CDH13: variants seen among roughly 807,000 people sequenced by gnomAD.
CDH13 encodes the protein cadherin-13.
CDH13 carries 24 observed loss-of-function variants against 63.8 expected under a neutral mutation model. That is an observed-to-expected ratio of 0.38 (90% CI 0.27 to 0.53). CDH13 has a LOEUF of 0.53. Ranked by LOEUF, CDH13 falls within the 20% of genes least tolerant of loss-of-function variation. CDH13 has a pLI of 0.85. For synonymous variants in CDH13, 503 were observed against 355.3 expected (o/e 1.42, Z -4.67); for missense variants, 1,049 against 903.1 (o/e 1.16, Z -2.07).
At chr16:83,725,677 A>G (rs149628775) in intron 10 of CDH13, 5 of 152,396 alleles carry the variant, frequency 3.3e-5, no homozygotes, top group African/African-American at 1.2e-4. Flanking sequence ...CAAGCAGGCA[A>G]GTTTGGGAAC....
chr16:83,044,590 G>A (rs1397693788), intron 3 of CDH13, among the ~76,000 whole-genome samples: 1 of 152,224 alleles, frequency 6.6e-6, no homozygotes, highest in Non-Finnish European at 1.5e-5. Context: ...CCATAGGCTA[G>A]AGAAAACGTC....
intron 8 of CDH13, among the ~76,000 whole-genome samples, chr16:83,647,510 A>G (rs916003012): frequency 1.3e-5 from 2 of 152,086 alleles, no homozygotes; most frequent in Admixed American, 6.6e-5. Context: ...CCTACAACAT[A>G]AATGTGTGTA....
intron 1 of CDH13, among the ~76,000 whole-genome samples, chr16:82,750,696 G>C (rs2034377387): frequency 1.3e-5 from 2 of 152,168 alleles, no homozygotes; most frequent in African/African-American, 2.4e-5. Context: ...AGCTGATAGA[G>C]GTTGGACAGA....
chr16:83,688,492 T>C (rs1328618517), intron 10 of CDH13, among the ~76,000 whole-genome samples: 2 of 152,172 alleles, frequency 1.3e-5, no homozygotes, highest in Admixed American at 1.3e-4. Flanking sequence ...AATTGTAACA[T>C]TTCTACCTGG....
intron 5 of CDH13, among the ~76,000 whole-genome samples, chr16:83,335,781 C>A (rs1297181865): frequency 1.3e-5 from 2 of 152,092 alleles, no homozygotes; most frequent in Non-Finnish European, 2.9e-5. Flanking sequence ...AGACCCCAGT[C>A]ACGTACCCCC....
intron 7 of CDH13, among the ~76,000 whole-genome samples, chr16:83,543,415 T>G (rs1481113078): frequency 1.3e-5 from 2 of 152,214 alleles, no homozygotes; most frequent in African/African-American, 4.8e-5. Flanking sequence ...TACAAAATGT[T>G]GTGGATTCAG....
chr16:83,347,121 A>T (rs1394407533), intron 6 of CDH13, among the ~76,000 whole-genome samples: 1 of 152,226 alleles, frequency 6.6e-6, no homozygotes, highest in Non-Finnish European at 1.5e-5. Flanking sequence ...GTTGCAGGCA[A>T]GATGGCCCCC....
chr16:83,054,166 T>G (rs7202573), intron 3 of CDH13, among the ~76,000 whole-genome samples: 2 of 152,090 alleles, frequency 1.3e-5, no homozygotes, highest in Admixed American at 1.3e-4. Flanking sequence ...GCACTGTGTA[T>G]TGTTTGCACA....
intron 2 of CDH13, among the ~76,000 whole-genome samples, chr16:82,945,492 G>C (rs903093471): frequency 6.6e-6 from 1 of 152,148 alleles, no homozygotes; most frequent in African/African-American, 2.4e-5. Flanking sequence ...TGCACCATCG[G>C]TAGTTTCTAC....
intron 8 of CDH13, among the ~76,000 whole-genome samples, chr16:83,634,762 C>A (rs117528640): frequency 6.6e-6 from 1 of 152,098 alleles, no homozygotes; most frequent in Non-Finnish European, 1.5e-5. Flanking sequence ...TCACATCAGC[C>A]GATAGCTGGT....
chr16:83,376,663 T>A (rs538084365), intron 6 of CDH13, among the ~76,000 whole-genome samples: 90 of 152,186 alleles, frequency 5.9e-4, no homozygotes, highest in African/African-American at 2.1e-3. Flanking sequence ...ATGGTGAGCA[T>A]GAGACATGCA....
chr16:83,665,366 C>T (rs1039482990), intron 8 of CDH13, among the ~76,000 whole-genome samples: 3 of 152,138 alleles, frequency 2.0e-5, no homozygotes, highest in Non-Finnish European at 4.4e-5. Context: ...AATACTGACT[C>T]CTTGTTATAC....
At chr16:83,045,751 C>A (rs957496253) in intron 3 of CDH13, among the ~76,000 whole-genome samples, 3 of 151,266 alleles carry the variant, frequency 2.0e-5, no homozygotes, top group African/African-American at 7.3e-5. Flanking sequence ...CTATTTGATT[C>A]TCTGTTCTCA....
intron 1 of CDH13, among the ~76,000 whole-genome samples, chr16:82,808,590 T>G: frequency 6.6e-6 from 1 of 152,176 alleles, no homozygotes; most frequent in Non-Finnish European, 1.5e-5. Context: ...TTTCTGCCCT[T>G]GCAGTATAAA....
rs117886430 is a variant in CDH13 at position 83,768,387 on chromosome 16, G to A, written c.1682-11581G>A. Among the ~76,000 whole-genome samples, 25 of 152,158 alleles carry A rather than the reference G, an allele frequency of 1.6e-4. No homozygotes were observed. The East Asian group carries it at 1.7e-3, about 11-fold the overall frequency. ...AAAAACACACACACAAATTGTAATC[G>A]CAATAGGTTTGTTAACCAATGCACA... On this transcript the variant is annotated intron_variant, in intron 11 of 13. Coordinates refer to ENST00000567109, the MANE Select transcript of CDH13 (RefSeq NM_001257.5).
At chr16:82,989,021 A>T (rs1911322715) in intron 2 of CDH13, among the ~76,000 whole-genome samples, 2 of 152,218 alleles carry the variant, frequency 1.3e-5, no homozygotes, top group African/African-American at 4.8e-5. Flanking sequence ...TAACTTATTA[A>T]AGGATGAAAG....
At chr16:83,442,095 C>G (rs1490525785) in intron 6 of CDH13, among the ~76,000 whole-genome samples, 2 of 152,138 alleles carry the variant, frequency 1.3e-5, no homozygotes, top group African/African-American at 4.8e-5. Flanking sequence ...GAGGAACACA[C>G]AGGCCAACTC....
intron 2 of CDH13, among the ~76,000 whole-genome samples, chr16:82,932,090 T>C (rs2042514946): frequency 6.6e-6 from 1 of 152,166 alleles, no homozygotes; most frequent in Non-Finnish European, 1.5e-5. Context: ...CTTAGGACAG[T>C]TGTGGATTTA....
intron 7 of CDH13, among the ~76,000 whole-genome samples, chr16:83,538,810 A>G (rs1412373058): frequency 6.6e-6 from 1 of 152,266 alleles, no homozygotes; most frequent in African/African-American, 2.4e-5. Context: ...ACAAGTATTT[A>G]TCCAGCTTGG....
Sources: gnomAD v4.1 joint callset for allele counts (sites outside exome capture counted in the v4.1 genomes callset) on GRCh38, gnomAD v4.1.1 for gene constraint, MANE v1.5 for transcripts, NCBI Gene and HGNC (gene_info 2026-07-23, HGNC 2026-07-21) for gene names.